Variants in FNIP2 observed in about 807,000 individuals in gnomAD.
FNIP2 encodes the protein folliculin interacting protein 2.
FNIP2 carries 32 observed loss-of-function variants against 108.7 expected under a neutral mutation model. The observed-to-expected ratio is 0.29, with a 90% CI of 0.22 to 0.40. The LOEUF is 0.40. FNIP2 is among the 10% of genes least tolerant of loss of function. The probability of loss-of-function intolerance (pLI) is 1.00; values close to 1 mark genes in which losing one functional copy is unlikely to be tolerated. For missense variants in FNIP2, 1,202 were observed against 1,381.6 expected (o/e 0.87, Z 2.06); for synonymous variants, 480 against 496.7 (o/e 0.97, Z 0.45).
At chr4:158,866,063 C>G (rs920899314) in intron 12 of FNIP2, among the ~76,000 whole-genome samples, 3 of 148,878 alleles carry the variant, frequency 2.0e-5, no homozygotes, top group Non-Finnish European at 3.0e-5. Flanking sequence ...TTAGTTTTAT[C>G]TAGTATATGC....
intron 1 of FNIP2, among the ~76,000 whole-genome samples, chr4:158,793,472 G>A (rs573826902): frequency 1.3e-5 from 2 of 152,228 alleles, no homozygotes; most frequent in East Asian, 3.9e-4. Flanking sequence ...GAGGAGGGGA[G>A]GACAGGAGTG....
At chr4:158,881,513 C>T (rs62354041) in intron 14 of FNIP2, among the ~76,000 whole-genome samples, 6,956 of 151,924 alleles carry the variant, frequency 0.046, 223 homozygotes, top group Non-Finnish European at 0.068. Context: ...CGAAGCTGGA[C>T]TGTACTGCTG....
In FNIP2 at chr4:158,904,907, G is replaced by C; in HGVS notation, c.*363G>C. 2 of 198,104 alleles carry C rather than the reference G, an allele frequency of 1.0e-5. No homozygotes were observed. Among genetic ancestry groups the C allele is most frequent in the Non-Finnish European group, 2.1e-5 (2 of 94,768 alleles). The allele number at this position is 198,104 out of a possible 1,614,324, so 12.3% of individuals were successfully genotyped here. A position where few individuals can be genotyped will look rare whatever the true frequency, so the allele number is the denominator to read the frequency against. ...AGTGACTTGAGCGGGGTGGTCAGCA[G>C]TGTACATAATATTCCAGTAGGAAAC... On this transcript the variant is annotated 3_prime_UTR_variant, in exon 17 of 17. Coordinates refer to ENST00000264433, the MANE Select transcript of FNIP2 (RefSeq NM_020840.3).
intron 8 of FNIP2, among the ~76,000 whole-genome samples, chr4:158,853,205 A>G (rs1050203781): frequency 7.2e-5 from 11 of 152,166 alleles, no homozygotes; most frequent in African/African-American, 2.7e-4. Flanking sequence ...TTTAGTCATC[A>G]AAGTTTATAG....
chr4:158,808,218 C>G (rs778567624), intron 1 of FNIP2, among the ~76,000 whole-genome samples: 1 of 152,066 alleles, frequency 6.6e-6, no homozygotes, highest in Non-Finnish European at 1.5e-5. Flanking sequence ...ATTCTAGATC[C>G]CCAGATAGTT....
chr4:158,892,495 TA>T (rs764197800), intron 15 of FNIP2, among the ~76,000 whole-genome samples: 4 of 152,122 alleles, frequency 2.6e-5, no homozygotes, highest in Admixed American at 6.6e-5. Flanking sequence ...CCACTGGAAT[TA>T]ACATGCATGA....
chr4:158,876,880 C>T (rs1208686485), intron 14 of FNIP2, among the ~76,000 whole-genome samples: 1 of 152,154 alleles, frequency 6.6e-6, no homozygotes, highest in East Asian at 1.9e-4. Context: ...GCCTGCAGCT[C>T]TGTGTGTTCA....
chr4:158,887,613 C>T (rs1204921355), intron 14 of FNIP2, among the ~76,000 whole-genome samples: 1 of 151,506 alleles, frequency 6.6e-6, no homozygotes, highest in Non-Finnish European at 1.5e-5. Flanking sequence ...TGGTGGGTGC[C>T]TGTAATCCCA....
chr4:158,769,269 CGCGGCG>C lies in FNIP2; in HGVS notation c.61_66del (p.Ala21_Ala22del). The C allele has an allele frequency of 6.5e-7, 1 of 1,542,126 alleles. No individual in the cohort carries two copies. The highest frequency in any genetic ancestry group is 8.7e-7 in the Non-Finnish European group (1 of 1,148,454). On this transcript the variant is annotated inframe_deletion, in exon 1 of 17. Transcript: ENST00000264433. ...ACAAAAGGGGCAGCAGCGGCAGCTC[CGCGGCG>C]GCGTCTGCCCAGGGCAGGGCTCCTA...
intron 1 of FNIP2, among the ~76,000 whole-genome samples, chr4:158,783,624 G>T (rs866320774): frequency 6.6e-6 from 1 of 151,848 alleles, no homozygotes; most frequent in African/African-American, 2.4e-5. Context: ...TTTTTTGCTT[G>T]GCCTTCTCAG....
intron 1 of FNIP2, among the ~76,000 whole-genome samples, chr4:158,787,812 G>A (rs944808961): frequency 2.2e-4 from 33 of 152,222 alleles, no homozygotes; most frequent in African/African-American, 7.5e-4. Flanking sequence ...AGCCTCTTTC[G>A]TGTGGCGGCC....
chr4:158,877,891 G>C (rs1022542978), intron 14 of FNIP2, among the ~76,000 whole-genome samples: 3 of 152,132 alleles, frequency 2.0e-5, no homozygotes, highest in Non-Finnish European at 2.9e-5. Context: ...AGTAAGCTAT[G>C]ATGGAGCCAC....
chr4:158,810,749 GCTAA>G (rs773627182), intron 1 of FNIP2, among the ~76,000 whole-genome samples: 24 of 152,308 alleles, frequency 1.6e-4, no homozygotes, highest in Non-Finnish European at 2.9e-4. Context: ...AATCACCATA[GCTAA>G]CTGTGTCCAG....
At chr4:158,844,500 C>T (rs941588238) in intron 7 of FNIP2, among the ~76,000 whole-genome samples, 1 of 152,086 alleles carries the variant, frequency 6.6e-6, no homozygotes, top group African/African-American at 2.4e-5. Context: ...TGTCTACCAC[C>T]CCCAAAAACC....
intron 9 of FNIP2, 71 bp from the exon 10 acceptor site, chr4:158,859,507 A>G (rs1780166723): frequency 7.7e-7 from 1 of 1,305,688 alleles, no homozygotes. Context: ...AATTTTTTTT[A>G]TTAATACAGC....
At chr4:158,815,291 G>A (rs1380629149) in intron 1 of FNIP2, among the ~76,000 whole-genome samples, 1 of 151,804 alleles carries the variant, frequency 6.6e-6, no homozygotes, top group Non-Finnish European at 1.5e-5. Flanking sequence ...TTTGATGGAT[G>A]TTTATTACAT....
Position 158,891,534 on chromosome 4 carries a change from G to A in FNIP2, c.3038G>A (p.Arg1013Lys), listed in dbSNP as rs1483746153. The change falls in exon 15 of 17, where the codon AGG becomes AAG. Residue 1013 changes from arginine (R) to lysine (K), a missense_variant. Around this residue, in one of 5 missense-constraint regions of FNIP2, gnomAD observed 142 missense variants for 183.8 expected, o/e 0.77. Coordinates refer to ENST00000264433, the MANE Select transcript of FNIP2 (RefSeq NM_020840.3). The part of the protein sequence containing the change: ...KWSVQVATSQ[R>K]KVTDNMKLGQ... ...AGTGTGCAGGTAGCTACAAGTCAGAGGAAAGTGACGGACAACATGAAACTA... is the reference window on the plus strand; with the variant it reads ...AGTGTGCAGGTAGCTACAAGTCAGAAGAAAGTGACGGACAACATGAAACTA... 6.2e-7 allele frequency: 1 copy of A among 1,610,972 alleles called. No individual in the cohort carries two copies. Among genetic ancestry groups the A allele is most frequent in the Non-Finnish European group, 8.5e-7 (1 of 1,178,512 alleles).
At chr4:158,869,845 C>T (rs558392730) in intron 13 of FNIP2, among the ~76,000 whole-genome samples, 1 of 152,238 alleles carries the variant, frequency 6.6e-6, no homozygotes, top group East Asian at 1.9e-4. Context: ...ATCAGAGCAG[C>T]GTGAGGTGGT....
At chr4:158,829,708 T>G (rs931500193) in intron 3 of FNIP2, among the ~76,000 whole-genome samples, 3 of 146,828 alleles carry the variant, frequency 2.0e-5, no homozygotes, top group Non-Finnish European at 4.4e-5. Flanking sequence ...ACTGTGTGTG[T>G]GGGGTGTGTG....
Sources: allele counts gnomAD v4.1 joint callset (sites outside exome capture counted in the v4.1 genomes callset), GRCh38; gene constraint gnomAD v4.1.1; regional missense constraint gnomAD v4.1.1; transcripts MANE v1.5; gene names NCBI Gene and HGNC (gene_info 2026-07-23, HGNC 2026-07-21).